The following TCF4 variants were observed in gnomAD, a reference collection of about 807,000 sequenced individuals.
TCF4 encodes transcription factor 4.
A neutral mutation model predicts 82.1 loss-of-function variants in TCF4; 3 were observed. The ratio of observed to expected loss-of-function variants is 0.04; its 90% CI spans 0.02 to 0.09. TCF4 has a LOEUF of 0.09. Among genes scored for constraint, TCF4 ranks in the 10% least tolerant of loss-of-function variants. TCF4 has a pLI of 1.00. For synonymous variants in TCF4, 276 were observed against 309.6 expected (o/e 0.89, Z 1.14); for missense variants, 518 against 852.7 (o/e 0.61, Z 4.89).
At chr18:55,361,683 G>C (rs1435431242) in intron 6 of TCF4, among the ~76,000 whole-genome samples, 1 of 152,140 alleles carries the variant, frequency 6.6e-6, no homozygotes, top group African/African-American at 2.4e-5. Context: ...CAAGGCCTTG[G>C]CATTACAGGC....
chr18:55,245,534 TG>T (rs1307830265), intron 15 of TCF4, among the ~76,000 whole-genome samples: 2 of 152,240 alleles, frequency 1.3e-5, no homozygotes, highest in African/African-American at 4.8e-5. Context: ...CTGCTGGAGC[TG>T]CCGTGCTGTG....
At chr18:55,615,538 A>G (rs2097710951) in intron 2 of TCF4, among the ~76,000 whole-genome samples, 1 of 151,822 alleles carries the variant, frequency 6.6e-6, no homozygotes, top group Non-Finnish European at 1.5e-5. Flanking sequence ...GCCTTATTAC[A>G]TTGGCTATAA....
intron 3 of TCF4, among the ~76,000 whole-genome samples, chr18:55,503,251 A>AT (rs1337083647): frequency 6.6e-6 from 1 of 152,252 alleles, no homozygotes; most frequent in Non-Finnish European, 1.5e-5. Context: ...AAATAAAAAC[A>AT]TTCTATCATC....
chr18:55,246,421 C>G (rs1261566840), intron 15 of TCF4, among the ~76,000 whole-genome samples: 1 of 152,080 alleles, frequency 6.6e-6, no homozygotes, highest in East Asian at 1.9e-4. Flanking sequence ...CAGACTGTTT[C>G]AACATCATAG....
At chr18:55,307,348 G>A (rs2070710881) in intron 8 of TCF4, among the ~76,000 whole-genome samples, 1 of 152,116 alleles carries the variant, frequency 6.6e-6, no homozygotes, top group Admixed American at 6.5e-5. Context: ...AAACCCAAAC[G>A]TCAATGGTAC....
intron 3 of TCF4, among the ~76,000 whole-genome samples, chr18:55,529,457 G>C (rs912456217): frequency 2.6e-5 from 4 of 152,194 alleles, no homozygotes; most frequent in African/African-American, 9.7e-5. Context: ...AGCAGTGAGA[G>C]AGAGAACGAG....
chr18:55,267,450 A>T (rs533037978), intron 11 of TCF4: 1 of 152,242 alleles, frequency 6.6e-6, no homozygotes, highest in South Asian at 2.1e-4. Flanking sequence ...ACACTCAAAA[A>T]ATCAAACCAA....
chr18:55,328,322 T>C (rs1014558677), intron 8 of TCF4, among the ~76,000 whole-genome samples: 5 of 152,044 alleles, frequency 3.3e-5, no homozygotes, highest in African/African-American at 1.2e-4. Context: ...GACTTCATTA[T>C]GCCTCTTATT....
chr18:55,621,520 AATATTATATAAT>A (rs2097718742), intron 2 of TCF4, among the ~76,000 whole-genome samples: 1 of 4,542 alleles, frequency 2.2e-4, no homozygotes, highest in East Asian at 0.025. Flanking sequence ...TATATTATAT[AATATTATATAAT>A]ATATATATTA....
intron 1 of TCF4, among the ~76,000 whole-genome samples, chr18:55,634,456 G>C (rs1308489990): frequency 1.3e-5 from 2 of 152,030 alleles, no homozygotes; most frequent in African/African-American, 4.8e-5. Flanking sequence ...ATCCAAGTTA[G>C]AAGTAGCAGG....
chr18:55,590,703 C>T (rs968515974), upstream of TCF4, among the ~76,000 whole-genome samples: 8 of 152,184 alleles, frequency 5.3e-5, no homozygotes, highest in Admixed American at 2.6e-4. Context: ...AAAACAATAG[C>T]TTTTAGTCTT....
intron 2 of TCF4, among the ~76,000 whole-genome samples, chr18:55,612,060 T>C (rs1288227812): frequency 6.6e-6 from 1 of 152,148 alleles, no homozygotes; most frequent in Non-Finnish European, 1.5e-5. Context: ...TGCAAGCCAC[T>C]GCACCCGGCC....
intron 6 of TCF4, among the ~76,000 whole-genome samples, chr18:55,376,597 C>T (rs2090815313): frequency 6.6e-6 from 1 of 152,168 alleles, no homozygotes; most frequent in Non-Finnish European, 1.5e-5. Context: ...TCTCAACTAT[C>T]ACAAACTCAC....
At chr18:55,629,379 A>C (rs2097729509) in intron 2 of TCF4, among the ~76,000 whole-genome samples, 2 of 152,188 alleles carry the variant, frequency 1.3e-5, no homozygotes, top group Non-Finnish European at 2.9e-5. Flanking sequence ...ATGAAAGTTA[A>C]CTAAATTTAG....
chr18:55,350,968 G>A lies in TCF4; in HGVS notation c.405C>T (p.Asn135=). The change falls in exon 7 of 20, where the codon AAC becomes AAT. Residue 135 remains asparagine (N), a synonymous_variant. Coordinates refer to ENST00000354452, the MANE Select transcript of TCF4 (RefSeq NM_001083962.2). ...GTTTGGTGGGCGAAAGGGTTCCTGG[G>A]TTGCCCATATCCATGTCACCTCCAA... The part of the protein sequence containing the change: ...SLLGGDMDMG[N]PGTLSPTKPG... 1 of 1,613,494 alleles carries A rather than the reference G, an allele frequency of 6.2e-7. No homozygotes were observed. The highest frequency in any genetic ancestry group is 8.5e-7 in the Non-Finnish European group (1 of 1,179,574).
intron 6 of TCF4, among the ~76,000 whole-genome samples, chr18:55,356,313 G>A (rs1157246412): frequency 6.6e-6 from 1 of 152,118 alleles, no homozygotes; most frequent in African/African-American, 2.4e-5. Flanking sequence ...GTTATATATG[G>A]GAGTCTACAT....
intron 5 of TCF4, among the ~76,000 whole-genome samples, chr18:55,434,064 CA>C (rs2095268565): frequency 6.6e-6 from 1 of 152,120 alleles, no homozygotes; most frequent in South Asian, 2.1e-4. Flanking sequence ...TTGTCATACA[CA>C]AAATAGTCTC....
At chr18:55,255,526 T>C (rs1295978828) in intron 14 of TCF4, among the ~76,000 whole-genome samples, 2 of 152,106 alleles carry the variant, frequency 1.3e-5, no homozygotes, top group South Asian at 4.1e-4. Flanking sequence ...ATGCGTATAG[T>C]TTTTAGTGAA....
chr18:55,595,975 G>T (rs1305643248), intron 2 of TCF4: 9 of 295,270 alleles, frequency 3.0e-5, no homozygotes, highest in Non-Finnish European at 5.4e-5. Flanking sequence ...GCTCGCCTCT[G>T]TAATCCCAGC....
Sources: gnomAD v4.1 joint callset for allele counts (sites outside exome capture counted in the v4.1 genomes callset) on GRCh38, gnomAD v4.1.1 for gene constraint, MANE v1.5 for transcripts, NCBI Gene and HGNC (gene_info 2026-07-23, HGNC 2026-07-21) for gene names.